Variants in SORCS3 observed in about 807,000 individuals in gnomAD.
The protein encoded by SORCS3 is VPS10 domain-containing receptor SorCS3.
SORCS3 carries 57 observed loss-of-function variants against 146.3 expected under a neutral mutation model. That is an observed-to-expected ratio of 0.39 (90% CI 0.31 to 0.49). The LOEUF is 0.49. SORCS3 is among the 20% of genes least tolerant of loss of function. SORCS3 has a pLI of 0.92. For missense variants in SORCS3, 1,341 were observed against 1,575.5 expected (o/e 0.85, Z 2.52); for synonymous variants, 653 against 618.5 (o/e 1.06, Z -0.83).
intron 13 of SORCS3, among the ~76,000 whole-genome samples, chr10:105,173,895 T>G (rs572730343): frequency 6.6e-6 from 1 of 152,326 alleles, no homozygotes; most frequent in East Asian, 1.9e-4. Flanking sequence ...TCAGTGTAAA[T>G]GTCACCTACA....
At chr10:105,186,563 C>G (rs970376902) in intron 14 of SORCS3, among the ~76,000 whole-genome samples, 1 of 152,080 alleles carries the variant, frequency 6.6e-6, no homozygotes, top group African/African-American at 2.4e-5. Flanking sequence ...GTCCCTCTTT[C>G]CCTTCCTCTC....
intron 5 of SORCS3, among the ~76,000 whole-genome samples, chr10:105,069,649 C>T (rs73344330): frequency 0.059 from 8,965 of 152,268 alleles, 284 homozygotes; most frequent in Middle Eastern, 0.088. Flanking sequence ...TCTGAAGCAT[C>T]TAATACTGTG....
intron 2 of SORCS3, among the ~76,000 whole-genome samples, chr10:104,908,692 C>T (rs939174796): frequency 1.3e-5 from 2 of 152,096 alleles, no homozygotes; most frequent in Non-Finnish European, 2.9e-5. Context: ...TTAGCAATTG[C>T]TGAAAATATC....
chr10:104,729,875 G>A (rs1018267443), intron 1 of SORCS3, among the ~76,000 whole-genome samples: 1 of 152,204 alleles, frequency 6.6e-6, no homozygotes, highest in Non-Finnish European at 1.5e-5. Flanking sequence ...TTCCAAATCT[G>A]CCAACAGACT....
intron 1 of SORCS3, among the ~76,000 whole-genome samples, chr10:104,830,353 C>G (rs1007584614): frequency 1.2e-4 from 19 of 152,178 alleles, no homozygotes; most frequent in African/African-American, 4.6e-4. Context: ...GCTCAAAGAT[C>G]GGTCACTGCA....
chr10:104,654,800 T>A (rs964245779), intron 1 of SORCS3, among the ~76,000 whole-genome samples: 13 of 152,232 alleles, frequency 8.5e-5, no homozygotes, highest in Non-Finnish European at 1.8e-4. Context: ...CCTCTGACTT[T>A]GTTCAAATTA....
intron 18 of SORCS3, among the ~76,000 whole-genome samples, chr10:105,215,064 C>A (rs1420716492): frequency 6.6e-6 from 1 of 152,200 alleles, no homozygotes; most frequent in Non-Finnish European, 1.5e-5. Flanking sequence ...AAAGTAAGAG[C>A]ATGAGGATGG....
At chr10:104,844,602 G>T (rs1169829465) in intron 2 of SORCS3, among the ~76,000 whole-genome samples, 1 of 152,142 alleles carries the variant, frequency 6.6e-6, no homozygotes, top group African/African-American at 2.4e-5. Context: ...TGCCAGGATT[G>T]AAGTCCCAGT....
chr10:105,148,678 T>G (rs1190635644), intron 9 of SORCS3, among the ~76,000 whole-genome samples: 1 of 152,116 alleles, frequency 6.6e-6, no homozygotes, highest in Non-Finnish European at 1.5e-5. Flanking sequence ...TTCTGGGTGG[T>G]GGCCTCAGAG....
chr10:104,917,597 A>G (rs569345042), intron 3 of SORCS3, among the ~76,000 whole-genome samples: 75 of 152,310 alleles, frequency 4.9e-4, no homozygotes, highest in African/African-American at 1.8e-3. Context: ...TTCCTCCTAT[A>G]TAACTGTAAT....
intron 1 of SORCS3, among the ~76,000 whole-genome samples, chr10:104,838,708 G>A (rs2171909): frequency 0.83 from 126,959 of 152,170 alleles, 53,435 homozygotes; most frequent in East Asian, 0.97. Flanking sequence ...GAATCTCACC[G>A]TGGTGGGGTG....
At chr10:104,718,913 T>C (rs1317333559) in intron 1 of SORCS3, among the ~76,000 whole-genome samples, 1 of 152,190 alleles carries the variant, frequency 6.6e-6, no homozygotes, top group African/African-American at 2.4e-5. Flanking sequence ...AGAAGGGAAC[T>C]GTCTAAGACA....
chr10:104,902,144 A>G (rs2018857870), intron 2 of SORCS3, among the ~76,000 whole-genome samples: 2 of 152,106 alleles, frequency 1.3e-5, no homozygotes, highest in Admixed American at 1.3e-4. Flanking sequence ...AAGACTAGAA[A>G]CCCAATCAAC....
chr10:104,698,910 C>T (rs183555672), intron 1 of SORCS3, among the ~76,000 whole-genome samples: 6 of 152,120 alleles, frequency 3.9e-5, no homozygotes, highest in East Asian at 1.9e-4. Context: ...CTTAAATTCT[C>T]GTAACAAAGG....
chr10:104,991,459 G>C (rs1161689254), intron 4 of SORCS3, among the ~76,000 whole-genome samples: 1 of 150,612 alleles, frequency 6.6e-6, no homozygotes, highest in African/African-American at 2.4e-5. Context: ...TCCTCTACGT[G>C]ATCTTTCCTC....
At chr10:105,031,488 A>G (rs2133696280) in intron 4 of SORCS3, among the ~76,000 whole-genome samples, 1 of 152,296 alleles carries the variant, frequency 6.6e-6, no homozygotes, top group South Asian at 2.1e-4. Flanking sequence ...AAGGAACCTA[A>G]GAATTCATTG....
At chr10:104,996,993 G>A (rs927159319) in intron 4 of SORCS3, among the ~76,000 whole-genome samples, 1 of 152,110 alleles carries the variant, frequency 6.6e-6, no homozygotes, top group African/African-American at 2.4e-5. Context: ...CCTGGAAGAG[G>A]TGTGAGATTT....
intron 1 of SORCS3, among the ~76,000 whole-genome samples, chr10:104,670,657 A>G (rs1351616130): frequency 6.6e-6 from 1 of 152,194 alleles, no homozygotes; most frequent in Non-Finnish European, 1.5e-5. Flanking sequence ...CGTTTTAGCT[A>G]TTCAGGCTCC....
chr10:104,799,923 G>A (rs902431351), intron 1 of SORCS3, among the ~76,000 whole-genome samples: 1 of 151,906 alleles, frequency 6.6e-6, no homozygotes, highest in Non-Finnish European at 1.5e-5. Flanking sequence ...GGATCTGCCC[G>A]CCTCAGCCTC....
Sources: gnomAD v4.1 joint callset for allele counts (sites outside exome capture counted in the v4.1 genomes callset) on GRCh38, gnomAD v4.1.1 for gene constraint, MANE v1.5 for transcripts, NCBI Gene and HGNC (gene_info 2026-07-23, HGNC 2026-07-21) for gene names.